EFCAB5: variants seen among roughly 807,000 people sequenced by gnomAD.
The protein encoded by EFCAB5 is EF-hand calcium-binding domain-containing protein 5.
A neutral mutation model predicts 167.9 loss-of-function variants in EFCAB5; 131 were observed. That is an observed-to-expected ratio of 0.78 (90% CI 0.68 to 0.90). The LOEUF is 0.90. Among genes scored for constraint, EFCAB5 ranks in the 40% least tolerant of loss-of-function variants. The pLI is 0.00. For synonymous variants in EFCAB5, 574 were observed against 602.8 expected (o/e 0.95, Z 0.70); for missense variants, 1,663 against 1,745.2 (o/e 0.95, Z 0.84).
intron 3 of EFCAB5, among the ~76,000 whole-genome samples, chr17:29,955,743 G>T (rs1043068746): frequency 5.9e-5 from 9 of 151,598 alleles, no homozygotes; most frequent in Admixed American, 5.3e-4. Flanking sequence ...ACTTCCCAAA[G>T]AAATTTATAG....
intron 14 of EFCAB5, chr17:30,072,949 C>T: frequency 2.2e-6 from 1 of 460,312 alleles, no homozygotes; most frequent in Non-Finnish European, 3.9e-6. Context: ...GGTTATATTC[C>T]AATATTATCA....
chr17:30,073,232 T>C, intron 14 of EFCAB5: 1 of 667,942 alleles, frequency 1.5e-6, no homozygotes, highest in South Asian at 1.6e-5. Context: ...ATTTTTCTAA[T>C]TTTTGGTATG....
chr17:30,035,076 A>C (rs960486621), intron 8 of EFCAB5, among the ~76,000 whole-genome samples: 1 of 152,240 alleles, frequency 6.6e-6, no homozygotes, highest in African/African-American at 2.4e-5. Context: ...AGCAATTCTT[A>C]AAAGAACCGA....
At chr17:29,961,465 A>G (rs914236236) in intron 3 of EFCAB5, among the ~76,000 whole-genome samples, 2 of 152,066 alleles carry the variant, frequency 1.3e-5, no homozygotes, top group Non-Finnish European at 2.9e-5. Flanking sequence ...ATTTTAAAGT[A>G]TATTTTATCT....
At chr17:30,073,214 C>A (rs964683889) in intron 14 of EFCAB5, 2 of 679,890 alleles carry the variant, frequency 2.9e-6, no homozygotes, top group African/African-American at 3.6e-5. Context: ...CATCATCAGG[C>A]CTGGCTAATT....
chr17:30,080,903 T>C lies in EFCAB5; in HGVS notation c.3348T>C (p.Phe1116=). Residue 1116 remains phenylalanine, a synonymous_variant, in exon 17 of 23, where the codon TTT becomes TTC. Coordinates refer to ENST00000394835, the MANE Select transcript of EFCAB5 (RefSeq NM_198529.4). ...TTCAAGATGCATATATGAGGATCTT[T>C]GGGGTCTTGGCTGTTGATACCCTTA... ...LPLQDAYMRI[F]GVLAVDTLRD... is the part of the protein sequence containing the mutation. 6.2e-7 allele frequency: 1 copy of C among 1,613,834 alleles called. No individual in the cohort carries two copies. Among genetic ancestry groups the C allele is most frequent in the African/African-American group, 1.3e-5 (1 of 75,038 alleles).
intron 3 of EFCAB5, among the ~76,000 whole-genome samples, chr17:29,945,011 A>G (rs1489095104): frequency 1.3e-5 from 2 of 152,142 alleles, no homozygotes; most frequent in Non-Finnish European, 2.9e-5. Flanking sequence ...TCCTTAACCC[A>G]AATTCCACAT....
rs1326583690 is a variant in EFCAB5 at position 29,931,336 on chromosome 17, C to T, written c.-127+2007C>T. ...CATTGCTTCTTTTAAACTGACAGGG[C>T]TGTCATGAGCTCTTTCTGGCTGCTG... On this transcript the variant is annotated intron_variant, in intron 1 of 3. Transcript: ENST00000448319. 5.3e-5 allele frequency among the ~76,000 whole-genome samples: 8 copies of T among 152,266 alleles called. No individual in the cohort carries two copies. The East Asian group carries it at 1.2e-3, about 22-fold the overall frequency.
chr17:30,105,502 CAAACA>C (rs2071437858), intron 22 of EFCAB5, among the ~76,000 whole-genome samples: 2 of 151,856 alleles, frequency 1.3e-5, no homozygotes, highest in South Asian at 2.1e-4. Flanking sequence ...ACGAAACAAA[CAAACA>C]AAACAAAACA....
Position 30,053,573 on chromosome 17 carries a change from T to A in EFCAB5, c.1619T>A (p.Ile540Lys). ...KKPTAEQELY[I>K]ESVIEPGTHT... is the part of the protein sequence containing the mutation. The stretch of plus-strand genomic sequence containing the variant: ...CCAACTGCAGAGCAAGAACTGTACA[T>A]AGAATCAGTAATAGAACCAGGAACA... Residue 540 changes from isoleucine to lysine, a missense_variant, in exon 10 of 23, where the codon ATA becomes AAA. Coordinates refer to ENST00000394835, the MANE Select transcript of EFCAB5 (RefSeq NM_198529.4). 6.2e-7 allele frequency: 1 copy of A among 1,613,636 alleles called. No homozygotes were observed. Among genetic ancestry groups the A allele is most frequent in the South Asian group, 1.1e-5 (1 of 91,062 alleles).
chr17:29,953,174 C>A (rs991273492), intron 3 of EFCAB5, among the ~76,000 whole-genome samples: 5 of 152,144 alleles, frequency 3.3e-5, no homozygotes, highest in Non-Finnish European at 7.3e-5. Flanking sequence ...AAGGTGATAA[C>A]CTCAGCAAAG....
At chr17:30,107,739 T>C (rs2071467023) in intron 22 of EFCAB5, 95 bp from the exon 23 acceptor site, 4 of 1,099,120 alleles carry the variant, frequency 3.6e-6, no homozygotes, top group Non-Finnish European at 4.8e-6. Context: ...TCAAAACATA[T>C]CTAATGAACT....
intron 4 of EFCAB5, among the ~76,000 whole-genome samples, chr17:29,975,402 C>T (rs1344147711): frequency 9.2e-5 from 14 of 152,170 alleles, no homozygotes; most frequent in East Asian, 3.9e-4. Context: ...ATTACAGGTG[C>T]GTACCACCAT....
chr17:30,103,085 G>A (rs2151860903), intron 22 of EFCAB5, among the ~76,000 whole-genome samples: 1 of 152,042 alleles, frequency 6.6e-6, no homozygotes, highest in Admixed American at 6.6e-5. Context: ...CACCTGCCTT[G>A]TCCTCCCAAG....
intron 3 of EFCAB5, among the ~76,000 whole-genome samples, chr17:29,962,687 T>C (rs1239578805): frequency 1.3e-5 from 2 of 150,976 alleles, no homozygotes; most frequent in Non-Finnish European, 2.9e-5. Flanking sequence ...ATTGAATTTG[T>C]TCAATAGCTC....
chr17:30,098,288 G>T (rs935916527), intron 22 of EFCAB5, among the ~76,000 whole-genome samples: 2 of 151,360 alleles, frequency 1.3e-5, no homozygotes, highest in African/African-American at 4.8e-5. Flanking sequence ...ACTTTGGGAG[G>T]CTGAGGTGGG....
rs1436915596 is a variant in EFCAB5 at position 29,942,610 on chromosome 17, AATTTCC to A, written c.105+310_105+315del. 5.9e-5 allele frequency among the ~76,000 whole-genome samples: 9 copies of A among 152,312 alleles called. No individual in the cohort carries two copies. The East Asian group carries it at 1.7e-3, about 29-fold the overall frequency. On this transcript the variant is annotated intron_variant, in intron 2 of 22. Coordinates refer to ENST00000394835, the MANE Select transcript of EFCAB5 (RefSeq NM_198529.4). ...CACTTTACTATCATGCTGAAAATGTAATTTCCAGGTTAATCATTTAAGTAACTTTGT... is the reference window on the plus strand; with the variant it reads ...CACTTTACTATCATGCTGAAAATGTAAGGTTAATCATTTAAGTAACTTTGT...
intron 8 of EFCAB5, among the ~76,000 whole-genome samples, chr17:30,035,557 T>C (rs1462989151): frequency 1.3e-5 from 2 of 152,168 alleles, no homozygotes; most frequent in Non-Finnish European, 2.9e-5. Flanking sequence ...ACAGGAGTCC[T>C]CTTAAGGAAA....
At chr17:29,940,593 G>A (rs2067284757), upstream of EFCAB5, among the ~76,000 whole-genome samples, 1 of 152,026 alleles carries the variant, frequency 6.6e-6, no homozygotes, top group Non-Finnish European at 1.5e-5. Flanking sequence ...TATACAGTTG[G>A]GAGCTATCAC....
Sources: allele counts gnomAD v4.1 joint callset (sites outside exome capture counted in the v4.1 genomes callset), GRCh38; gene constraint gnomAD v4.1.1; transcripts MANE v1.5; gene names NCBI Gene and HGNC (gene_info 2026-07-23, HGNC 2026-07-21).